Variants in SGCZ observed in about 807,000 individuals in gnomAD.
SGCZ encodes the protein zeta-sarcoglycan.
In SGCZ, 40 loss-of-function variants were observed where a neutral mutation model predicts 41.3. That is an observed-to-expected ratio of 0.97 (90% confidence interval 0.75 to 1.26). SGCZ has a LOEUF of 1.26. Ranked by LOEUF, SGCZ falls within the 50% of genes most tolerant of loss-of-function variation. The probability of loss-of-function intolerance (pLI) is 0.00; values close to 1 mark genes in which losing one functional copy is unlikely to be tolerated. For missense variants in SGCZ, 552 were observed against 369.8 expected (o/e 1.49, Z -4.04); for synonymous variants, 206 against 137.5 (o/e 1.50, Z -3.49).
At chr8:15,180,594 C>A (rs268357) in intron 1 of SGCZ, among the ~76,000 whole-genome samples, 4 of 151,162 alleles carry the variant, frequency 2.6e-5, no homozygotes, top group South Asian at 4.2e-4. Context: ...AAAAAAAAAA[C>A]AGAGGGAAAG....
chr8:14,643,752 T>C (rs1271483946), intron 1 of SGCZ, among the ~76,000 whole-genome samples: 1 of 151,744 alleles, frequency 6.6e-6, no homozygotes, highest in Admixed American at 6.6e-5. Flanking sequence ...TCTTGCATAA[T>C]ATAGTATGCT....
At chr8:14,960,357 A>ATT (rs200205300) in intron 1 of SGCZ, among the ~76,000 whole-genome samples, 5 of 149,124 alleles carry the variant, frequency 3.4e-5, no homozygotes, top group African/African-American at 9.8e-5. Flanking sequence ...GGCCTCTCTG[A>ATT]TTTTTTTTTT....
At chr8:14,559,085 C>T (rs1367246164) in intron 1 of SGCZ, among the ~76,000 whole-genome samples, 1 of 151,930 alleles carries the variant, frequency 6.6e-6, no homozygotes, top group Non-Finnish European at 1.5e-5. Context: ...AAGGATGTCC[C>T]CTCTCACCAC....
chr8:15,086,729 C>T (rs1585548881), intron 1 of SGCZ, among the ~76,000 whole-genome samples: 1 of 151,930 alleles, frequency 6.6e-6, no homozygotes, highest in African/African-American at 2.4e-5. Context: ...TTCTCAACTG[C>T]TTTGTGGACC....
At chr8:14,286,864 G>A (rs1359711932) in intron 3 of SGCZ, among the ~76,000 whole-genome samples, 3 of 151,990 alleles carry the variant, frequency 2.0e-5, no homozygotes, top group African/African-American at 4.8e-5. Context: ...TACTTTTTGA[G>A]TGCTGGTATT....
chr8:14,963,433 G>C (rs1037091712), intron 1 of SGCZ, among the ~76,000 whole-genome samples: 9 of 151,884 alleles, frequency 5.9e-5, no homozygotes, highest in Admixed American at 2.0e-4. Context: ...GCGCCTCCCG[G>C]GTTCAAGTGA....
rs543629844 is a variant in SGCZ at position 15,109,177 on chromosome 8, G to A, written c.39+128408C>T. The stretch of plus-strand genomic sequence containing the variant: ...CTTGATTTTTCTTGATGATGATGGA[G>A]ATCATTCTGCAGAAACCACAGCAAA... On this transcript the variant is annotated intron_variant, in intron 1 of 7. Transcript: ENST00000382080. Among the ~76,000 whole-genome samples the A allele has an allele frequency of 5.7e-4, 87 of 152,292 alleles. 2 individuals carry two copies. In the South Asian group the frequency reaches 0.017, roughly 29 times the overall value.
intron 2 of SGCZ, among the ~76,000 whole-genome samples, chr8:14,374,215 A>G (rs1407378383): frequency 6.6e-6 from 1 of 152,038 alleles, no homozygotes; most frequent in African/African-American, 2.4e-5. Flanking sequence ...CTGTCTCTAC[A>G]CAAGTATACA....
intron 4 of SGCZ, among the ~76,000 whole-genome samples, chr8:14,191,210 G>C (rs1805089915): frequency 6.6e-6 from 1 of 151,766 alleles, no homozygotes; most frequent in East Asian, 1.9e-4. Flanking sequence ...TCTTGCTATT[G>C]AGCTGTGTTA....
Position 15,237,305 on chromosome 8 carries a change from C to T in SGCZ, c.39+280G>A, listed in dbSNP as rs1227893329. Among the ~76,000 whole-genome samples, 7 of 152,228 alleles carry T rather than the reference C, an allele frequency of 4.6e-5. No individual in the cohort carries two copies. The East Asian group carries it at 9.7e-4, about 21-fold the overall frequency. The stretch of plus-strand genomic sequence containing the variant: ...AGGCGCAGGGTCTGCACCCCAAATG[C>T]TGCCGTCACGGACCAGGAGGAGGAC... On this transcript the variant is annotated intron_variant, in intron 1 of 7. Coordinates refer to ENST00000382080, the MANE Select transcript of SGCZ (RefSeq NM_139167.4).
chr8:14,515,963 A>C (rs983181574), intron 2 of SGCZ, among the ~76,000 whole-genome samples: 1 of 152,040 alleles, frequency 6.6e-6, no homozygotes, highest in East Asian at 1.9e-4. Context: ...CTTGTTGGAA[A>C]TAACTTAGTA....
At position 14,096,921 on chromosome 8, in the gene SGCZ, T is replaced by C. The variant is rs1386379851; in HGVS notation, c.744+5455A>G. Among the ~76,000 whole-genome samples the C allele has an allele frequency of 2.6e-5, 4 of 152,150 alleles. No individual in the cohort carries two copies. In the South Asian group the frequency reaches 6.2e-4, roughly 24 times the overall value. ...GTGTTTATATTATTCTCTAGTAGTT[T>C]GTATTACTGTGGGATCGGTGGTGAT... On this transcript the variant is annotated intron_variant, in intron 7 of 7. Transcript: ENST00000382080.
chr8:14,147,514 T>C (rs970604922), intron 5 of SGCZ, among the ~76,000 whole-genome samples: 15 of 152,214 alleles, frequency 9.9e-5, no homozygotes, highest in Admixed American at 2.6e-4. Flanking sequence ...CAAGAGGATA[T>C]AACAATTTTA....
chr8:14,754,922 C>T (rs1026575428), intron 1 of SGCZ, among the ~76,000 whole-genome samples: 2 of 151,980 alleles, frequency 1.3e-5, no homozygotes, highest in Admixed American at 6.6e-5. Flanking sequence ...GTAGAGACGG[C>T]GTTTCACCAT....
intron 1 of SGCZ, among the ~76,000 whole-genome samples, chr8:14,587,055 T>G (rs1805082334): frequency 6.6e-6 from 1 of 152,058 alleles, no homozygotes; most frequent in Admixed American, 6.6e-5. Flanking sequence ...AACTTGGATT[T>G]TATTATTCAT....
intron 3 of SGCZ, among the ~76,000 whole-genome samples, chr8:14,312,138 C>T (rs1300281114): frequency 1.3e-5 from 2 of 152,168 alleles, no homozygotes; most frequent in South Asian, 2.1e-4. Context: ...ATTCTTTATA[C>T]GTATATGTAT....
intron 3 of SGCZ, among the ~76,000 whole-genome samples, chr8:14,286,119 T>A (rs542469039): frequency 1.3e-5 from 2 of 152,202 alleles, no homozygotes; most frequent in South Asian, 4.1e-4. Flanking sequence ...GCTTCCCATA[T>A]TAAAGCTTAT....
chr8:14,359,289 TCAA>T (rs1396632569), intron 2 of SGCZ, among the ~76,000 whole-genome samples: 1 of 152,124 alleles, frequency 6.6e-6, no homozygotes, highest in Admixed American at 6.5e-5. Context: ...GCGGTTGACT[TCAA>T]CACCCTGTGT....
chr8:14,138,550 G>A (rs1160635329), intron 5 of SGCZ, among the ~76,000 whole-genome samples: 1 of 149,308 alleles, frequency 6.7e-6, no homozygotes, highest in Non-Finnish European at 1.5e-5. Flanking sequence ...TCTAGTCTCT[G>A]ATAAAATGGA....
Sources: allele counts gnomAD v4.1 joint callset (sites outside exome capture counted in the v4.1 genomes callset), GRCh38; gene constraint gnomAD v4.1.1; transcripts MANE v1.5; gene names NCBI Gene and HGNC (gene_info 2026-07-23, HGNC 2026-07-21).